GTF2I: variants seen among roughly 807,000 people sequenced by gnomAD.
The protein encoded by GTF2I is general transcription factor II-I.
In GTF2I, 12 loss-of-function variants were observed where a neutral mutation model predicts 67.6. The ratio of observed to expected loss-of-function variants is 0.18; its 90% CI spans 0.11 to 0.29. GTF2I has a LOEUF of 0.29. Ranked by LOEUF, GTF2I falls within the 10% of genes least tolerant of loss-of-function variation. The probability of loss-of-function intolerance (pLI) is 1.00; values close to 1 mark genes in which losing one functional copy is unlikely to be tolerated. For synonymous variants in GTF2I, 149 were observed against 197.0 expected (o/e 0.76, Z 2.04); for missense variants, 271 against 580.1 (o/e 0.47, Z 5.47).
chr7:74,699,120 C>G, intron 4 of GTF2I, 25 bp downstream of exon 4: 2 of 1,305,164 alleles, frequency 1.5e-6, no homozygotes, highest in Non-Finnish European at 2.1e-6. Context: ...TTTAATTTTT[C>G]TAAAAGATAC....
chr7:74,673,098 G>A (rs1805600014), intron 1 of GTF2I, among the ~76,000 whole-genome samples: 1 of 152,126 alleles, frequency 6.6e-6, no homozygotes, highest in Non-Finnish European at 1.5e-5. Flanking sequence ...CTGACCTCAT[G>A]ATCTGCCCGC....
chr7:74,665,784 G>T (rs1804921982), intron 1 of GTF2I, among the ~76,000 whole-genome samples: 2 of 152,204 alleles, frequency 1.3e-5, no homozygotes, highest in African/African-American at 4.8e-5. Context: ...AATTGCAAGG[G>T]CAAGGACTTA....
intron 1 of GTF2I, among the ~76,000 whole-genome samples, chr7:74,686,951 G>A (rs954585354): frequency 5.3e-5 from 8 of 151,394 alleles, no homozygotes; most frequent in African/African-American, 1.7e-4. Context: ...GTGCTGTGGC[G>A]TGATTTTGGC....
intron 1 of GTF2I, among the ~76,000 whole-genome samples, chr7:74,664,607 T>G (rs1009472296): frequency 6.6e-6 from 1 of 152,016 alleles, no homozygotes; most frequent in Non-Finnish European, 1.5e-5. Flanking sequence ...CTAATTTTTG[T>G]ATTTTTAGTA....
At chr7:74,711,868 T>C (rs1458869889) in intron 9 of GTF2I, among the ~76,000 whole-genome samples, 1 of 152,134 alleles carries the variant, frequency 6.6e-6, no homozygotes, top group Non-Finnish European at 1.5e-5. Context: ...TTTGGGTTCT[T>C]CCAGTTTGGG....
chr7:74,706,454 A>G, intron 8 of GTF2I, 21 bp downstream of exon 8: 1 of 1,564,612 alleles, frequency 6.4e-7, no homozygotes, highest in Non-Finnish European at 8.8e-7. Context: ...GCACTTTTAG[A>G]ATCAATGGTG....
chr7:74,727,272 T>A (rs1363748377), intron 12 of GTF2I: 1 of 152,232 alleles, frequency 6.6e-6, no homozygotes, highest in African/African-American at 2.4e-5. Flanking sequence ...GGTGCTGGTG[T>A]CCAGTCGCCT....
chr7:74,686,515 G>A (rs1264288141), intron 1 of GTF2I, among the ~76,000 whole-genome samples: 2 of 152,136 alleles, frequency 1.3e-5, no homozygotes, highest in African/African-American at 2.4e-5. Flanking sequence ...CTTTCGCTGG[G>A]GAATTAAAGG....
intron 12 of GTF2I, among the ~76,000 whole-genome samples, chr7:74,722,412 G>A (rs1443071746): frequency 6.6e-6 from 1 of 152,290 alleles, no homozygotes; most frequent in South Asian, 2.1e-4. Context: ...TATCTCTAAT[G>A]TGTGCAGAGA....
intron 8 of GTF2I, among the ~76,000 whole-genome samples, chr7:74,708,356 T>C (rs782535324): frequency 7.9e-5 from 12 of 152,226 alleles, no homozygotes; most frequent in Non-Finnish European, 1.5e-4. Flanking sequence ...TTGTTAACTT[T>C]GTAACCTTAA....
intron 1 of GTF2I, among the ~76,000 whole-genome samples, chr7:74,677,390 C>T (rs1463567636): frequency 3.9e-5 from 6 of 152,078 alleles, no homozygotes; most frequent in African/African-American, 1.4e-4. Flanking sequence ...TTAAGCGATA[C>T]ATGAATTCAT....
chr7:74,668,882 C>T (rs1805210143), intron 1 of GTF2I, among the ~76,000 whole-genome samples: 2 of 151,780 alleles, frequency 1.3e-5, no homozygotes. Flanking sequence ...AAGAAGGGAT[C>T]GTTTAAATTT....
At position 74,667,058 on chromosome 7, in the gene GTF2I, T is replaced by A. The variant is rs587735786; in HGVS notation, c.-6+8990T>A. On this transcript the variant is annotated intron_variant, in intron 1 of 34. Coordinates refer to ENST00000573035, the MANE Select transcript of GTF2I (RefSeq NM_032999.4). ...CACTCGGGAGGCTGAGGCAGGAGAA[T>A]CACTTGAACCCTGGAGGCGGAGGTT... Among the ~76,000 whole-genome samples the A allele has an allele frequency of 2.0e-5, 3 of 152,182 alleles. No homozygotes were observed. The South Asian group carries it at 6.2e-4, about 32-fold the overall frequency.
At position 74,703,659 on chromosome 7, in the gene GTF2I, C is replaced by G. The variant is rs587761134; in HGVS notation, c.587-1505C>G. Among the ~76,000 whole-genome samples the G allele has an allele frequency of 2.0e-5, 3 of 152,200 alleles. No individual in the cohort carries two copies. In the East Asian group the frequency reaches 5.8e-4, roughly 29 times the overall value. On this transcript the variant is annotated intron_variant, in intron 6 of 34. Coordinates refer to ENST00000573035, the MANE Select transcript of GTF2I (RefSeq NM_032999.4). ...CCTCCCAGAGTGCTGGGATTATAGG[C>G]GTGAGCCACTGCGCCTGGCCCTCAC...
At chr7:74,658,973 C>T (rs1804214234) in intron 1 of GTF2I, among the ~76,000 whole-genome samples, 1 of 152,122 alleles carries the variant, frequency 6.6e-6, no homozygotes, top group African/African-American at 2.4e-5. Flanking sequence ...TTTGTCCTCC[C>T]TAGGTTATGG....
intron 1 of GTF2I, among the ~76,000 whole-genome samples, chr7:74,681,905 C>T (rs1237820308): frequency 1.3e-5 from 2 of 149,552 alleles, no homozygotes; most frequent in African/African-American, 2.5e-5. Context: ...AGTGAGACTC[C>T]GTCTCAAAAA....
At chr7:74,681,060 T>C (rs1295434540) in intron 1 of GTF2I, among the ~76,000 whole-genome samples, 2 of 152,054 alleles carry the variant, frequency 1.3e-5, no homozygotes, top group Admixed American at 1.3e-4. Context: ...ACTTTGAAAC[T>C]CATGAAGGAG....
At chr7:74,674,138 T>C (rs1209632585) in intron 1 of GTF2I, among the ~76,000 whole-genome samples, 3 of 148,962 alleles carry the variant, frequency 2.0e-5, no homozygotes, top group Non-Finnish European at 4.4e-5. Flanking sequence ...GGTGTGGTCA[T>C]AGGTCACTGC....
At position 74,697,794 on chromosome 7, in the gene GTF2I, G is replaced by C. The variant is rs997526971; in HGVS notation, c.239-1167G>C. ...TTTTATTTTTTATTTTTTTGAGACG[G>C]AGTCTTGCTCTGTCGCCAGGCTGGA... On this transcript the variant is annotated intron_variant, in intron 3 of 34. Coordinates refer to ENST00000573035, the MANE Select transcript of GTF2I (RefSeq NM_032999.4). Among the ~76,000 whole-genome samples, 44 of 151,884 alleles carry C rather than the reference G, an allele frequency of 2.9e-4. 1 individual carries two copies. The highest frequency in any genetic ancestry group is 4.6e-4 in the Admixed American group (7 of 15,244).
Sources: allele counts gnomAD v4.1 joint callset (sites outside exome capture counted in the v4.1 genomes callset), GRCh38; gene constraint gnomAD v4.1.1; transcripts MANE v1.5; gene names NCBI Gene and HGNC (gene_info 2026-07-23, HGNC 2026-07-21).